Variants in KLHL3 observed in about 807,000 individuals in gnomAD.
KLHL3 encodes the protein kelch-like protein 3.
In KLHL3, 19 loss-of-function variants were observed where a neutral mutation model predicts 70.5. That is an observed-to-expected ratio of 0.27 (90% CI 0.19 to 0.40). The LOEUF (loss-of-function observed/expected upper bound fraction) is 0.40, where lower values mean the gene tolerates loss of function less well. Among genes scored for constraint, KLHL3 ranks in the 10% least tolerant of loss-of-function variants. The pLI, the probability that KLHL3 is intolerant of heterozygous loss-of-function variation, is 1.00. For synonymous variants in KLHL3, 258 were observed against 290.3 expected (o/e 0.89, Z 1.13); for missense variants, 512 against 771.1 (o/e 0.66, Z 3.98).
At chr5:137,681,379 A>G (rs1752021672) in intron 5 of KLHL3, among the ~76,000 whole-genome samples, 1 of 152,206 alleles carries the variant, frequency 6.6e-6, no homozygotes, top group African/African-American at 2.4e-5. Context: ...AGGCATCAAT[A>G]ACTCCATCCC....
rs1756274073 is a variant in KLHL3, at chr5:137,618,015, G to A, written c.*4083C>T. 6.6e-6 allele frequency: 1 copy of A among 152,600 alleles called. No homozygotes were observed. The highest frequency in any genetic ancestry group is 6.5e-5 in the Admixed American group (1 of 15,280). The allele number at this position is 152,600 out of a possible 1,614,324, so 9.5% of individuals were successfully genotyped here. On this transcript the variant is annotated 3_prime_UTR_variant, in exon 15 of 15. Transcript: ENST00000309755. Reference sequence around the variant, plus strand: ...ATATCCATGAGTCACTGAGTCCCATGACGAAGGCTGCACAGGGGCTATGAG... The same window carrying A: ...ATATCCATGAGTCACTGAGTCCCATAACGAAGGCTGCACAGGGGCTATGAG...
intron 4 of KLHL3, chr5:137,692,697 T>C (rs1752352474): frequency 2.2e-6 from 1 of 453,854 alleles, no homozygotes; most frequent in African/African-American, 2.0e-5. Context: ...GGGGATCTTA[T>C]TAAAATGCAG....
At position 137,623,943 on chromosome 5, in the gene KLHL3, C is replaced by T. The variant is rs189920304; in HGVS notation, c.1735+1810G>A. On this transcript the variant is annotated intron_variant, in intron 14 of 14. Coordinates refer to ENST00000309755, the MANE Select transcript of KLHL3 (RefSeq NM_017415.3). ...AGAAGCAGCAGCTATTCAACCCCCACTCCCACTACCACCAATACAGGACTA... is the reference window on the plus strand; with the variant it reads ...AGAAGCAGCAGCTATTCAACCCCCATTCCCACTACCACCAATACAGGACTA... Among the ~76,000 whole-genome samples the T allele has an allele frequency of 1.1e-4, 17 of 152,330 alleles. No homozygotes were observed. In the East Asian group the frequency reaches 2.1e-3, roughly 19 times the overall value.
chr5:137,633,232 T>C (rs1375441138), intron 12 of KLHL3, among the ~76,000 whole-genome samples: 3 of 119,890 alleles, frequency 2.5e-5, no homozygotes, highest in African/African-American at 1.0e-4. Context: ...TGAGCCGAGA[T>C]AGCGCCACTG....
chr5:137,637,198 A>C (rs1402739479), intron 11 of KLHL3, 96 bp downstream of exon 11: 1 of 995,782 alleles, frequency 1.0e-6, no homozygotes, highest in African/African-American at 1.6e-5. Context: ...CTCAGGAAAA[A>C]AAACACGGTA....
rs552310766 is a variant in KLHL3 at position 137,677,132 on chromosome 5, C to G, written c.636+413G>C. ...TTTTTAAAGGGATTAAAAAAAAAAG[C>G]TGTTGTTTTTCTCTGAAAGAAAAGA... On this transcript the variant is annotated intron_variant, in intron 6 of 14. Coordinates refer to ENST00000309755, the MANE Select transcript of KLHL3 (RefSeq NM_017415.3). Among the ~76,000 whole-genome samples, 8 of 151,946 alleles carry G rather than the reference C, an allele frequency of 5.3e-5. No individual in the cohort carries two copies. The East Asian group carries it at 9.7e-4, about 18-fold the overall frequency.
chr5:137,690,352 G>T (rs1328968425), intron 5 of KLHL3, among the ~76,000 whole-genome samples: 5 of 149,572 alleles, frequency 3.3e-5, no homozygotes, highest in African/African-American at 9.8e-5. Flanking sequence ...AATCTGCAGA[G>T]AAAATGCTTG....
Position 137,658,295 on chromosome 5 carries a change from C to A in KLHL3, c.754-15G>T, listed in dbSNP as rs755629772. 3.7e-6 allele frequency: 6 copies of A among 1,613,508 alleles called. No homozygotes were observed. The African/African-American group carries it at 8.0e-5, about 22-fold the overall frequency. On this transcript the variant is annotated splice_polypyrimidine_tract_variant and intron_variant, in intron 7 of 14. Coordinates refer to ENST00000309755, the MANE Select transcript of KLHL3 (RefSeq NM_017415.3). ...TCTTCAACCGTCTAGAGGTAATAAT[C>A]CACAGATGATCCTGGAGCACAGCTC...
chr5:137,683,493 A>C (rs1752085054), intron 5 of KLHL3, among the ~76,000 whole-genome samples: 1 of 152,186 alleles, frequency 6.6e-6, no homozygotes, highest in Non-Finnish European at 1.5e-5. Flanking sequence ...TAGAGGCCAG[A>C]GGCAAGCTTC....
intron 12 of KLHL3, among the ~76,000 whole-genome samples, chr5:137,632,491 T>G (rs1214167743): frequency 6.6e-6 from 1 of 152,122 alleles, no homozygotes; most frequent in Non-Finnish European, 1.5e-5. Context: ...TCTCTTACCA[T>G]ATACAAAAAT....
chr5:137,623,509 G>C (rs1011391641), intron 14 of KLHL3, among the ~76,000 whole-genome samples: 2 of 151,868 alleles, frequency 1.3e-5, no homozygotes, highest in Non-Finnish European at 2.9e-5. Context: ...TTTTTTTCTT[G>C]AAAGCAGGCT....
chr5:137,697,434 G>T (rs1752472965), intron 4 of KLHL3, among the ~76,000 whole-genome samples: 1 of 152,184 alleles, frequency 6.6e-6, no homozygotes, highest in African/African-American at 2.4e-5. Context: ...AAAGCGCTGG[G>T]ATTATAGGTG....
At chr5:137,727,277 AT>A (rs1753099562) in intron 1 of KLHL3, among the ~76,000 whole-genome samples, 1 of 151,888 alleles carries the variant, frequency 6.6e-6, no homozygotes, top group African/African-American at 2.4e-5. Flanking sequence ...AATCAATCCT[AT>A]GTCCATTAAT....
intron 8 of KLHL3, among the ~76,000 whole-genome samples, chr5:137,650,171 A>C (rs184406262): frequency 2.0e-5 from 3 of 152,336 alleles, no homozygotes; most frequent in Admixed American, 6.5e-5. Context: ...CTAAGTGGTC[A>C]CCAGAGGGTG....
chr5:137,625,617 C>T, intron 14 of KLHL3, 136 bp downstream of exon 14: 1 of 847,544 alleles, frequency 1.2e-6, no homozygotes, highest in Non-Finnish European at 1.9e-6. Context: ...GTAACAATTA[C>T]CTGTCATCCC....
intron 6 of KLHL3, among the ~76,000 whole-genome samples, chr5:137,667,241 C>T (rs1751636013): frequency 6.6e-6 from 1 of 152,178 alleles, no homozygotes; most frequent in Non-Finnish European, 1.5e-5. Flanking sequence ...CTATCTGGCC[C>T]TTCCTAGAAA....
intron 4 of KLHL3, among the ~76,000 whole-genome samples, chr5:137,694,441 C>T (rs546521811): frequency 6.6e-6 from 1 of 152,162 alleles, no homozygotes; most frequent in Non-Finnish European, 1.5e-5. Context: ...ACTCTCTCCC[C>T]ACTAAGCAGC....
intron 3 of KLHL3, 130 bp from the exon 4 acceptor site, chr5:137,698,538 T>C: frequency 1.9e-6 from 2 of 1,029,134 alleles, no homozygotes; most frequent in Non-Finnish European, 2.9e-6. Context: ...GCAGAAGGGA[T>C]TCAGGCACAG....
intron 5 of KLHL3, among the ~76,000 whole-genome samples, chr5:137,682,420 A>AGAGAGAGAGAGAGAGAGAGAGAGAGAGG: frequency 1.3e-5 from 2 of 151,556 alleles, no homozygotes; most frequent in African/African-American, 4.8e-5. Context: ...AGAGAGAGAG[A>AGAGAGAGAGAGAGAGAGAGAGAGAGAGG]GAGAGAGAGA....
Sources: gnomAD v4.1 joint callset for allele counts (sites outside exome capture counted in the v4.1 genomes callset) on GRCh38, gnomAD v4.1.1 for gene constraint, MANE v1.5 for transcripts, NCBI Gene and HGNC (gene_info 2026-07-23, HGNC 2026-07-21) for gene names.